The following SYDE1 variants were observed in gnomAD, a reference collection of about 807,000 sequenced individuals.
SYDE1 encodes the protein rho GTPase-activating protein SYDE1.
Under a neutral mutation model 63.3 loss-of-function variants are expected in SYDE1, and 34 were observed. The observed-to-expected ratio is 0.54, with a 90% CI of 0.41 to 0.71. The LOEUF is 0.71. SYDE1 is among the 30% of genes least tolerant of loss of function. SYDE1 has a pLI of 0.00. For synonymous variants in SYDE1, 467 were observed against 473.4 expected (o/e 0.99, Z 0.18); for missense variants, 925 against 1,042.5 (o/e 0.89, Z 1.55).
At chr19:15,112,324 C>T (rs2046350225) in intron 6 of SYDE1, 22 bp from the exon 7 acceptor site, 2 of 1,529,028 alleles carry the variant, frequency 1.3e-6, no homozygotes, top group Admixed American at 2.0e-5. Flanking sequence ...GTCTGACTTA[C>T]ATCCTCTCAA....
At position 15,113,712 on chromosome 19, in the gene SYDE1, G is replaced by A; in HGVS notation, c.1957G>A (p.Gly653Ser). The A allele has an allele frequency of 6.2e-7, 1 of 1,613,530 alleles. No individual in the cohort carries two copies. Among genetic ancestry groups the A allele is most frequent in the Non-Finnish European group, 8.5e-7 (1 of 1,179,810 alleles). The change falls in exon 8 of 8, where the codon GGC becomes AGC. Residue 653 changes from glycine to serine, a missense_variant. Physicochemically the swap from Gly to Ser is moderately conservative, Grantham distance 56. Around this residue, in one of 3 missense-constraint regions of SYDE1, gnomAD observed 255 missense variants for 255.9 expected, o/e 1.00. Coordinates refer to ENST00000342784, the MANE Select transcript of SYDE1 (RefSeq NM_033025.6). ...PESPPSNRYA[G>S]DWSVCGRDFL... ...AAGCCCCCCGAGCAACCGCTACGCCGGCGACTGGAGCGTTTGCGGGCGGGA... is the reference window on the plus strand; with the variant it reads ...AAGCCCCCCGAGCAACCGCTACGCCAGCGACTGGAGCGTTTGCGGGCGGGA...
Position 15,114,547 on chromosome 19 carries a change from T to A in SYDE1, c.*584T>A, listed in dbSNP as rs9916993. ...TTTCCCCTACCCTTTTCCGGGGAAG[T>A]CCCCACGATTGGCCTCTAGTCAGCA... On this transcript the variant is annotated 3_prime_UTR_variant, in exon 8 of 8. Transcript: ENST00000342784. 0.97 allele frequency: 148,564 copies of A among 152,996 alleles called. 72,197 individuals carry two copies. Among genetic ancestry groups the A allele is most frequent in the African/African-American group, 0.99 (40,788 of 41,028 alleles). The allele number at this position is 152,996 out of a possible 1,614,324, so 9.5% of individuals were successfully genotyped here. A position where few individuals can be genotyped will look rare whatever the true frequency, so the allele number is the denominator to read the frequency against.
At position 15,112,463 on chromosome 19, in the gene SYDE1, C is replaced by A. The variant is rs1175717576; in HGVS notation, c.1696C>A (p.Gln566Lys). 1 of 1,605,590 alleles carries A rather than the reference C, an allele frequency of 6.2e-7. No individual in the cohort carries two copies. ...CGGGCCTGTGCTGCTGCCGGCACGC[C>A]AGGCGCCCACAAGGCCTCGTGCCCG... ...CFGPVLLPARQAPTRPRARSS... is the reference protein window; with the variant it reads ...CFGPVLLPARKAPTRPRARSS... The change falls in exon 7 of 8, where the codon CAG becomes AAG. Residue 566 changes from glutamine to lysine, a missense_variant. Transcript: ENST00000342784.
At chr19:15,112,771 A>T (rs1208114117) in intron 7 of SYDE1, among the ~76,000 whole-genome samples, 200 bp downstream of exon 7, 2 of 152,220 alleles carry the variant, frequency 1.3e-5, no homozygotes, top group Non-Finnish European at 2.9e-5. Flanking sequence ...TTTTGTAAAG[A>T]CAGGGTTTCT....
rs757162375 is a variant in SYDE1, at chr19:15,113,598, T to C, written c.1843T>C (p.Tyr615His). The C allele has an allele frequency of 6.3e-7, 1 of 1,591,330 alleles. No individual in the cohort carries two copies. The highest frequency in any genetic ancestry group is 1.1e-5 in the South Asian group (1 of 88,910). Residue 615 changes from tyrosine to histidine, a missense_variant, in exon 8 of 8, where the codon TAC becomes CAC. Tyr to His is a moderately conservative substitution (Grantham distance 83, BLOSUM62 2). Transcript: ENST00000342784. The stretch of plus-strand genomic sequence containing the variant: ...CCGACAATCTCCAGATGTCGCGCCT[T>C]ACTTGCGACCCAAACGACAGCCACC... ...LPRQSPDVAP[Y>H]LRPKRQPPLH...
intron 7 of SYDE1, among the ~76,000 whole-genome samples, chr19:15,112,929 G>A (rs1599325524): frequency 6.6e-6 from 1 of 151,912 alleles, no homozygotes; most frequent in Non-Finnish European, 1.5e-5. Flanking sequence ...TTTTGAGATG[G>A]AGTCTTGCTC....
In SYDE1 at chr19:15,109,289, G is replaced by A. The variant is rs201855801; in HGVS notation, c.322G>A (p.Gly108Ser). The change falls in exon 2 of 8, where the codon GGC becomes AGC. Residue 108 changes from glycine to serine, a missense_variant. Around this residue, in one of 3 missense-constraint regions of SYDE1, gnomAD observed 599 missense variants for 653.7 expected, o/e 0.92. Transcript: ENST00000342784. The surrounding 1 kb of genome is among the most constrained non-coding windows in gnomAD (Gnocchi z 5.0). The part of the protein sequence containing the change: ...PGVPGTGEPA[G>S]EIWYNPIPEE... Reference sequence around the variant, plus strand: ...GGTACCTGGCACTGGGGAGCCCGCCGGCGAGATCTGGTACAACCCCATCCC... The same window carrying A: ...GGTACCTGGCACTGGGGAGCCCGCCAGCGAGATCTGGTACAACCCCATCCC... 341 of 1,613,378 alleles carry A rather than the reference G, an allele frequency of 2.1e-4. 2 individuals carry two copies. The East Asian group carries it at 5.7e-3, about 27-fold the overall frequency.
chr19:15,112,314 G>A (rs759858462), intron 6 of SYDE1, 32 bp from the exon 7 acceptor site: 1 of 1,501,024 alleles, frequency 6.7e-7, no homozygotes, highest in Non-Finnish European at 9.1e-7. Flanking sequence ...GCCTGACTTT[G>A]TCTGACTTAC....
In SYDE1 at chr19:15,113,968, G is replaced by A; in HGVS notation, c.*5G>A. 2 of 1,607,706 alleles carry A rather than the reference G, an allele frequency of 1.2e-6. No individual in the cohort carries two copies. Among genetic ancestry groups the A allele is most frequent in the Non-Finnish European group, 1.7e-6 (2 of 1,175,626 alleles). ...CAAATCAACGTGTGCCTCTGAGCCA[G>A]ATGACGGGGTGGGACCCCGGTTAGT... On this transcript the variant is annotated 3_prime_UTR_variant, in exon 8 of 8. Coordinates refer to ENST00000342784, the MANE Select transcript of SYDE1 (RefSeq NM_033025.6).
At chr19:15,112,951 C>A (rs1446670967) in intron 7 of SYDE1, among the ~76,000 whole-genome samples, 1 of 152,090 alleles carries the variant, frequency 6.6e-6, no homozygotes, top group East Asian at 1.9e-4. Context: ...CTAGCCCAGG[C>A]TGGGGTGTGG....
In SYDE1 at chr19:15,109,688, T is replaced by A. The variant is rs991483868; in HGVS notation, c.431-16T>A. ...AAGCCCAGGTTCCTGGACCCTGAAG[T>A]CTGCTCTCCACACAGGTGCAGCCCC... On this transcript the variant is annotated splice_polypyrimidine_tract_variant and intron_variant, in intron 2 of 7. Coordinates refer to ENST00000342784, the MANE Select transcript of SYDE1 (RefSeq NM_033025.6). This position sits in a 1 kb window ranked among gnomAD's most constrained non-coding sequence, Gnocchi z 5.0. 1.4e-6 allele frequency: 2 copies of A among 1,457,482 alleles called. No individual in the cohort carries two copies. The highest frequency in any genetic ancestry group is 1.8e-6 in the Non-Finnish European group (2 of 1,101,016). The allele number at this position is 1,457,482 out of a possible 1,614,324, so 90.3% of individuals were successfully genotyped here. A position where few individuals can be genotyped will look rare whatever the true frequency, so the allele number is the denominator to read the frequency against.
In SYDE1 at chr19:15,108,812, G is replaced by A. The variant is rs747731444; in HGVS notation, c.89-244G>A. The A allele has an allele frequency of 8.5e-5, 40 of 468,484 alleles. No individual in the cohort carries two copies. The highest frequency in any genetic ancestry group is 1.3e-4 in the Non-Finnish European group (37 of 281,638). The allele number at this position is 468,484 out of a possible 1,614,324, so 29.0% of individuals were successfully genotyped here. A position where few individuals can be genotyped will look rare whatever the true frequency, so the allele number is the denominator to read the frequency against. ...CAGGAAGCCTGACTTAGAACCCTGAGGCTGCAGGGATGGAGTCCCCTTTTG... is the reference window on the plus strand; with the variant it reads ...CAGGAAGCCTGACTTAGAACCCTGAAGCTGCAGGGATGGAGTCCCCTTTTG... On this transcript the variant is annotated intron_variant, in intron 1 of 7. Transcript: ENST00000342784. This position sits in a 1 kb window ranked among gnomAD's most constrained non-coding sequence, Gnocchi z 4.3.
chr19:15,109,656 C>T lies in SYDE1; in HGVS notation c.431-48C>T, dbSNP rs1382517786. The stretch of plus-strand genomic sequence containing the variant: ...TCAGGGGAGCACCAGCCTCACCCCC[C>T]TCCCCTAAGCCCAGGTTCCTGGACC... On this transcript the variant is annotated intron_variant, in intron 2 of 7. Transcript: ENST00000342784. This position sits in a 1 kb window ranked among gnomAD's most constrained non-coding sequence, Gnocchi z 5.0. 1 of 1,222,252 alleles carries T rather than the reference C, an allele frequency of 8.2e-7. No homozygotes were observed. The highest frequency in any genetic ancestry group is 1.1e-6 in the Non-Finnish European group (1 of 901,590). The allele number at this position is 1,222,252 out of a possible 1,614,324, so 75.7% of individuals were successfully genotyped here.
chr19:15,109,586 AC>A lies in SYDE1; in HGVS notation c.431-115del. 1.1e-6 allele frequency: 1 copy of A among 903,424 alleles called. No individual in the cohort carries two copies. The allele number at this position is 903,424 out of a possible 1,614,324, so 56.0% of individuals were successfully genotyped here. The stretch of plus-strand genomic sequence containing the variant: ...GCTCCCAGAGGAGCATCAGCCTCAC[AC>A]CCTCCTCCCCGCCAGGGGAACACCA... On this transcript the variant is annotated intron_variant, in intron 2 of 7. Transcript: ENST00000342784. This position sits in a 1 kb window ranked among gnomAD's most constrained non-coding sequence, Gnocchi z 5.0.
intron 1 of SYDE1, 111 bp downstream of exon 1, chr19:15,107,632 A>T (rs1193258686): frequency 6.4e-6 from 3 of 466,082 alleles, no homozygotes; most frequent in African/African-American, 2.4e-5. Flanking sequence ...AGCCCCCCGC[A>T]CCCCGCTGCA....
intron 1 of SYDE1, among the ~76,000 whole-genome samples, chr19:15,107,981 G>A (rs577449606): frequency 1.3e-5 from 2 of 152,142 alleles, no homozygotes; most frequent in African/African-American, 2.4e-5. Flanking sequence ...TGCCCCCTCC[G>A]CCTCCCACCT....
chr19:15,114,122 T>C lies in SYDE1; in HGVS notation c.*159T>C. The C allele has an allele frequency of 2.9e-6, 2 of 695,034 alleles. No homozygotes were observed. Among genetic ancestry groups the C allele is most frequent in the South Asian group, 1.9e-5 (1 of 53,322 alleles). 43.1% of individuals were successfully genotyped at this position (695,034 alleles called of 1,614,324 possible). ...CAGTCGCGTGTATGGCTGAGACTCATTCCCAGTTTCCAGGGCCCGGTATTT... is the reference window on the plus strand; with the variant it reads ...CAGTCGCGTGTATGGCTGAGACTCACTCCCAGTTTCCAGGGCCCGGTATTT... On this transcript the variant is annotated 3_prime_UTR_variant, in exon 8 of 8. Coordinates refer to ENST00000342784, the MANE Select transcript of SYDE1 (RefSeq NM_033025.6).
chr19:15,114,413 C>A lies in SYDE1; in HGVS notation c.*450C>A, dbSNP rs1250486714. On this transcript the variant is annotated 3_prime_UTR_variant, in exon 8 of 8. Coordinates refer to ENST00000342784, the MANE Select transcript of SYDE1 (RefSeq NM_033025.6). The stretch of plus-strand genomic sequence containing the variant: ...TGAGCACTGCACTGTTTCTCCCTCC[C>A]TTGGACGACACAAAGACTAGCATGA... 1 of 168,584 alleles carries A rather than the reference C, an allele frequency of 5.9e-6. No homozygotes were observed. Among genetic ancestry groups the A allele is most frequent in the East Asian group, 1.7e-4 (1 of 5,732 alleles). The allele number at this position is 168,584 out of a possible 1,614,324, so 10.4% of individuals were successfully genotyped here.
At position 15,114,009 on chromosome 19, in the gene SYDE1, A is replaced by C; in HGVS notation, c.*46A>C. ...CCCGGTTAGTAAGGACCGGGCGCCC[A>C]GTGGCTAAGGCGGTGCCCTGGTGAC... On this transcript the variant is annotated 3_prime_UTR_variant, in exon 8 of 8. Transcript: ENST00000342784. 1 of 1,568,280 alleles carries C rather than the reference A, an allele frequency of 6.4e-7. No individual in the cohort carries two copies. Among genetic ancestry groups the C allele is most frequent in the Non-Finnish European group, 8.7e-7 (1 of 1,154,774 alleles).
Sources: allele counts gnomAD v4.1 joint callset (sites outside exome capture counted in the v4.1 genomes callset), GRCh38; gene constraint gnomAD v4.1.1; regional missense constraint gnomAD v4.1.1; non-coding constraint Gnocchi (gnomAD v3.1); transcripts MANE v1.5; gene names NCBI Gene and HGNC (gene_info 2026-07-23, HGNC 2026-07-21).